Variants in ST3GAL6 observed in about 807,000 individuals in gnomAD.
The protein encoded by ST3GAL6 is ST3 beta-galactoside alpha-2,3-sialyltransferase 6, also known as type 2 lactosamine alpha-2,3-sialyltransferase.
ST3GAL6 carries 31 observed loss-of-function variants against 40.5 expected under a neutral mutation model. That is an observed-to-expected ratio of 0.77 (90% CI 0.58 to 1.03). The LOEUF (loss-of-function observed/expected upper bound fraction) is 1.03. Ranked by LOEUF, ST3GAL6 falls within the 50% of genes least tolerant of loss-of-function variation. ST3GAL6 has a pLI of 0.00. For synonymous variants in ST3GAL6, 129 were observed against 136.9 expected (o/e 0.94, Z 0.40); for missense variants, 357 against 393.2 (o/e 0.91, Z 0.78).
At chr3:98,757,122 C>A (rs925244229) in intron 1 of ST3GAL6, among the ~76,000 whole-genome samples, 1 of 152,166 alleles carries the variant, frequency 6.6e-6, no homozygotes, top group Non-Finnish European at 1.5e-5. Context: ...ATCTAGAGTT[C>A]AGATGTCTAC....
At chr3:98,762,808 C>G, upstream of ST3GAL6, 1 of 985,330 alleles carries the variant, frequency 1.0e-6, no homozygotes, top group Non-Finnish European at 1.2e-6. Context: ...CTGGCCAGTG[C>G]TCTGGGTATT....
intron 9 of ST3GAL6, 90 bp from the exon 10 acceptor site, chr3:98,793,585 C>T (rs1400628936): frequency 3.1e-5 from 23 of 735,994 alleles, no homozygotes; most frequent in Admixed American, 1.5e-4. Flanking sequence ...GTTCTTTATT[C>T]GGATTTTTTT....
intron 1 of ST3GAL6, among the ~76,000 whole-genome samples, chr3:98,753,435 G>A (rs568984230): frequency 1.3e-5 from 2 of 152,322 alleles, no homozygotes; most frequent in Admixed American, 1.3e-4. Context: ...TCCAGATCTA[G>A]CTAAGATAAA....
At position 98,791,991 on chromosome 3, in the gene ST3GAL6, A is replaced by G. The variant is rs775628514; in HGVS notation, c.907A>G (p.Lys303Glu). Residue 303 changes from lysine (K) to glutamate (E), a missense_variant and splice_region_variant, in exon 9 of 10, where the codon AAG (lysine) becomes GAG (glutamate). Physicochemically the swap from Lys to Glu is moderately conservative, Grantham distance 56. Coordinates refer to ENST00000483910, the MANE Select transcript of ST3GAL6 (RefSeq NM_001323368.2). ...GAATGCCACCATGTCTTTGATGAATAAGGTAATATACTGTACTTTAGGTAA... is the reference window on the plus strand; with the variant it reads ...GAATGCCACCATGTCTTTGATGAATGAGGTAATATACTGTACTTTAGGTAA... Reference protein sequence around the residue: ...YGNATMSLMNKNAYHNVTAEQ... With the variant: ...YGNATMSLMNENAYHNVTAEQ... 8 of 1,612,766 alleles carry G rather than the reference A, an allele frequency of 5.0e-6. No homozygotes were observed. The East Asian group carries it at 1.8e-4, about 36-fold the overall frequency.
chr3:98,789,410 A>C (rs1003481271), intron 8 of ST3GAL6, among the ~76,000 whole-genome samples: 1 of 152,212 alleles, frequency 6.6e-6, no homozygotes, highest in African/African-American at 2.4e-5. Context: ...ATGTGCTTCC[A>C]GACTATTTGC....
chr3:98,746,874 A>G (rs180976205), intron 1 of ST3GAL6, among the ~76,000 whole-genome samples: 2 of 152,354 alleles, frequency 1.3e-5, no homozygotes, highest in Non-Finnish European at 1.5e-5. Context: ...TACACTTGAT[A>G]ATAAACCTTG....
upstream of ST3GAL6, chr3:98,762,555 T>C: frequency 5.5e-6 from 1 of 183,166 alleles, no homozygotes; most frequent in Non-Finnish European, 1.0e-5. Context: ...TCAACCAGAC[T>C]ACTGATTCCT....
upstream of ST3GAL6, among the ~76,000 whole-genome samples, chr3:98,761,275 T>C (rs1249582179): frequency 6.6e-6 from 1 of 151,924 alleles, no homozygotes; most frequent in African/African-American, 2.4e-5. Context: ...TGAGACCCTG[T>C]CTCAAAAAAA....
Position 98,771,224 on chromosome 3 carries a change from T to C in ST3GAL6, c.167+268T>C, listed in dbSNP as rs959183457. The stretch of plus-strand genomic sequence containing the variant: ...AGAGAGGTCTATTTGTGTTTGATTA[T>C]AAAAAAGCGAATTGTTCTTTAGGGT... On this transcript the variant is annotated intron_variant, in intron 3 of 9. Transcript: ENST00000483910. The C allele has an allele frequency of 1.5e-5, 18 of 1,228,042 alleles. No homozygotes were observed. In the African/African-American group the frequency reaches 2.8e-4, roughly 19 times the overall value. The allele number at this position is 1,228,042 out of a possible 1,614,324, so 76.1% of individuals were successfully genotyped here. A position where few individuals can be genotyped will look rare whatever the true frequency, so the allele number is the denominator to read the frequency against.
chr3:98,758,620 C>G (rs1290144376), upstream of ST3GAL6, among the ~76,000 whole-genome samples: 5 of 152,144 alleles, frequency 3.3e-5, no homozygotes. Context: ...AGCTTCCTGT[C>G]ACAGATACTT....
At chr3:98,753,648 G>A (rs72932626) in intron 1 of ST3GAL6, among the ~76,000 whole-genome samples, 131 of 152,304 alleles carry the variant, frequency 8.6e-4, no homozygotes, top group African/African-American at 3.1e-3. Context: ...TTACCATTCC[G>A]AAAATCCTAC....
chr3:98,775,055 TTCTC>T (rs1357456106), intron 5 of ST3GAL6, among the ~76,000 whole-genome samples: 2 of 152,232 alleles, frequency 1.3e-5, no homozygotes, highest in African/African-American at 4.8e-5. Flanking sequence ...TTTATGTTGA[TTCTC>T]TCTAATTCTG....
At chr3:98,780,708 G>A (rs1347293836) in intron 5 of ST3GAL6, among the ~76,000 whole-genome samples, 1 of 152,190 alleles carries the variant, frequency 6.6e-6, no homozygotes, top group African/African-American at 2.4e-5. Context: ...TATGTGGGTG[G>A]AGGTCCAGGA....
intron 1 of ST3GAL6, among the ~76,000 whole-genome samples, chr3:98,751,553 G>A (rs1287734864): frequency 2.0e-5 from 3 of 152,104 alleles, no homozygotes; most frequent in African/African-American, 4.8e-5. Flanking sequence ...AAACATTTAT[G>A]TACTTAAAAA....
intron 5 of ST3GAL6, 93 bp downstream of exon 5, chr3:98,774,076 A>G: frequency 9.1e-7 from 1 of 1,099,684 alleles, no homozygotes; most frequent in Non-Finnish European, 1.4e-6. Flanking sequence ...GTATTTACTC[A>G]GGAAAATTTC....
chr3:98,736,751 C>T (rs961773566), intron 1 of ST3GAL6, among the ~76,000 whole-genome samples: 2 of 152,120 alleles, frequency 1.3e-5, no homozygotes, highest in African/African-American at 4.8e-5. Context: ...AGCCCCTGCT[C>T]TTACAGAGCT....
intron 6 of ST3GAL6, among the ~76,000 whole-genome samples, chr3:98,786,835 G>C (rs1000480626): frequency 3.2e-4 from 49 of 152,198 alleles, no homozygotes; most frequent in African/African-American, 1.0e-3. Context: ...TAATGGAAAG[G>C]AGAGCCAGGA....
In ST3GAL6 at chr3:98,742,438, A is replaced by G. The variant is rs982045261; in HGVS notation, c.-12+9906A>G. On this transcript the variant is annotated intron_variant, in intron 1 of 9. Transcript: ENST00000265261. Reference sequence around the variant, plus strand: ...AATTAGATGTGAAAGAAACAACTCTATAACTTACTTGAACTTTAATTAGCC... The same window carrying G: ...AATTAGATGTGAAAGAAACAACTCTGTAACTTACTTGAACTTTAATTAGCC... 9.2e-5 allele frequency among the ~76,000 whole-genome samples: 14 copies of G among 152,276 alleles called. No homozygotes were observed. The East Asian group carries it at 2.3e-3, about 25-fold the overall frequency.
intron 5 of ST3GAL6, chr3:98,783,698 C>T (rs1193531529): frequency 6.1e-6 from 6 of 985,352 alleles, no homozygotes; most frequent in Non-Finnish European, 7.2e-6. Context: ...ATCTGCTGGA[C>T]AGCCCTCCCC....
Sources: allele counts gnomAD v4.1 joint callset (sites outside exome capture counted in the v4.1 genomes callset), GRCh38; gene constraint gnomAD v4.1.1; transcripts MANE v1.5; gene names NCBI Gene and HGNC (gene_info 2026-07-23, HGNC 2026-07-21).